Variants in SACS observed in about 807,000 individuals in gnomAD.
The protein encoded by SACS is sacsin.
Under a neutral mutation model 348.0 loss-of-function variants are expected in SACS, and 197 were observed. The observed-to-expected ratio is 0.57, with a 90% confidence interval of 0.50 to 0.64. The LOEUF is 0.64. SACS is among the 30% of genes least tolerant of loss of function. The pLI is 0.00. For synonymous variants in SACS, 1,985 were observed against 1,910.6 expected (o/e 1.04, Z -1.02); for missense variants, 4,999 against 5,360.8 (o/e 0.93, Z 2.11).
At position 23,332,598 on chromosome 13, in the gene SACS, T is replaced by C; in HGVS notation, c.11278A>G (p.Thr3760Ala). ...NNCRNICNIT[T>A]LDEEMVKTRA... Reference sequence around the variant, plus strand: ...GTTTTTACCATTTCTTCATCCAACGTCGTTATGTTGCATATGTTTCTGCAG... The same window carrying C: ...GTTTTTACCATTTCTTCATCCAACGCCGTTATGTTGCATATGTTTCTGCAG... The change falls in exon 10 of 10, where the codon ACG becomes GCG. Residue 3760 changes from threonine (T) to alanine (A), a missense_variant. By Grantham distance (58) the Thr-to-Ala change is moderately conservative. This residue lies in a region of SACS where 831 missense variants were observed against 941.8 expected (regional missense o/e 0.88). Coordinates refer to ENST00000382292, the MANE Select transcript of SACS (RefSeq NM_014363.6). 6.2e-7 allele frequency: 1 copy of C among 1,613,674 alleles called. No individual in the cohort carries two copies. Among genetic ancestry groups the C allele is most frequent in the South Asian group, 1.1e-5 (1 of 91,076 alleles).
chr13:23,377,341 T>C (rs1871856212), intron 2 of SACS, among the ~76,000 whole-genome samples: 1 of 152,170 alleles, frequency 6.6e-6, no homozygotes, highest in Non-Finnish European at 1.5e-5. Flanking sequence ...AGGCTTTTCC[T>C]GGACCACCTC....
chr13:23,332,581 C>A lies in SACS; in HGVS notation c.11295G>T (p.Met3765Ile), dbSNP rs1189205491. Residue 3765 changes from methionine to isoleucine, a missense_variant, in exon 10 of 10, where the codon ATG becomes ATT. By Grantham distance (10) the Met-to-Ile change is conservative. This residue lies in a region of SACS where 831 missense variants were observed against 941.8 expected (regional missense o/e 0.88). Coordinates refer to ENST00000382292, the MANE Select transcript of SACS (RefSeq NM_014363.6). The part of the protein sequence containing the change: ...ICNITTLDEE[M>I]VKTRAKVLRS... ...TTAAGACTTTTGCTCTAGTTTTTAC[C>A]ATTTCTTCATCCAACGTCGTTATGT... The A allele has an allele frequency of 6.2e-7, 1 of 1,613,700 alleles. No homozygotes were observed. Among genetic ancestry groups the A allele is most frequent in the Admixed American group, 1.7e-5 (1 of 59,998 alleles).
At chr13:23,348,322 G>A (rs370583305) in intron 9 of SACS, among the ~76,000 whole-genome samples, 11 of 152,254 alleles carry the variant, frequency 7.2e-5, no homozygotes, top group African/African-American at 2.6e-4. Flanking sequence ...GAATAAACAA[G>A]ATTACAGAAG....
chr13:23,351,454 T>C (rs1345164010), intron 9 of SACS, among the ~76,000 whole-genome samples: 1 of 152,118 alleles, frequency 6.6e-6, no homozygotes, highest in African/African-American at 2.4e-5. Flanking sequence ...ACTGTTCTCA[T>C]GGTACTGACT....
intron 2 of SACS, among the ~76,000 whole-genome samples, chr13:23,378,114 T>C (rs1456198941): frequency 6.6e-6 from 1 of 152,224 alleles, no homozygotes; most frequent in Non-Finnish European, 1.5e-5. Flanking sequence ...ACAAATTCCC[T>C]AGAGTGCTGT....
At chr13:23,420,917 G>A (rs1363208743) in intron 1 of SACS, among the ~76,000 whole-genome samples, 1 of 151,906 alleles carries the variant, frequency 6.6e-6, no homozygotes, top group East Asian at 1.9e-4. Context: ...ATTTACCTGG[G>A]GCCTCAGTGC....
rs1375925708 is a variant in SACS, at chr13:23,331,120, AGAG to A, written c.12753_12755del (p.Ser4252del). On this transcript the variant is annotated inframe_deletion, in exon 10 of 10. Transcript: ENST00000382292. ...TAGAAGGAGCACTGTCCCTGCTTTG[AGAG>A]CTTTCCTCAGGTCTTGAAAACTTAT... 3.7e-6 allele frequency: 6 copies of A among 1,614,018 alleles called. No homozygotes were observed. The African/African-American group carries it at 8.0e-5, about 22-fold the overall frequency.
At chr13:23,409,420 G>A (rs180886686) in intron 2 of SACS, among the ~76,000 whole-genome samples, 329 of 134,820 alleles carry the variant, frequency 2.4e-3, no homozygotes, top group African/African-American at 7.7e-3. Flanking sequence ...GCAATGGCAC[G>A]ATCTTGGCTC....
intron 2 of SACS, among the ~76,000 whole-genome samples, chr13:23,385,086 G>A (rs534763110): frequency 2.0e-5 from 3 of 151,120 alleles, no homozygotes; most frequent in Admixed American, 6.6e-5. Context: ...ACGGTGAAAC[G>A]CCATCTCTAC....
chr13:23,385,732 C>T (rs755401839), intron 2 of SACS, among the ~76,000 whole-genome samples: 3 of 152,176 alleles, frequency 2.0e-5, no homozygotes, highest in Non-Finnish European at 2.9e-5. Context: ...TTGCCCAGAT[C>T]CGTCAGAGGA....
chr13:23,394,453 C>T (rs1872637760), intron 2 of SACS, among the ~76,000 whole-genome samples: 1 of 152,224 alleles, frequency 6.6e-6, no homozygotes, highest in African/African-American at 2.4e-5. Flanking sequence ...CCCAATCTCA[C>T]CCCCATTGTG....
At chr13:23,369,040 G>T (rs988353568) in intron 4 of SACS, among the ~76,000 whole-genome samples, 5 of 152,278 alleles carry the variant, frequency 3.3e-5, no homozygotes, top group Non-Finnish European at 5.9e-5. Flanking sequence ...CTCAAAAAAT[G>T]TTCAAAAATA....
At position 23,356,569 on chromosome 13, in the gene SACS, T is replaced by C. The variant is rs995731816; in HGVS notation, c.605-562A>G. Reference sequence around the variant, plus strand: ...CACCACGTGGAGCCTAATTACAGTATTGAAAGATACCCATCTTTTGTATAA... The same window carrying C: ...CACCACGTGGAGCCTAATTACAGTACTGAAAGATACCCATCTTTTGTATAA... On this transcript the variant is annotated intron_variant, in intron 7 of 9. Transcript: ENST00000382292. Among the ~76,000 whole-genome samples the C allele has an allele frequency of 1.3e-5, 2 of 152,220 alleles. 1 individual carries two copies. The highest frequency in any genetic ancestry group is 4.1e-4 in the South Asian group (2 of 4,828).
At chr13:23,429,837 C>T (rs1191451553) in intron 1 of SACS, among the ~76,000 whole-genome samples, 1 of 152,126 alleles carries the variant, frequency 6.6e-6, no homozygotes, top group Non-Finnish European at 1.5e-5. Context: ...TTAGCAGGGA[C>T]TCTCAGGAAT....
chr13:23,399,579 C>A (rs544970885), intron 2 of SACS, among the ~76,000 whole-genome samples: 3 of 152,218 alleles, frequency 2.0e-5, no homozygotes, highest in Non-Finnish European at 4.4e-5. Flanking sequence ...TAGTACACTC[C>A]TACTCCAGCC....
At chr13:23,375,546 G>A (rs979754555) in intron 2 of SACS, 3 of 1,061,742 alleles carry the variant, frequency 2.8e-6, no homozygotes, top group South Asian at 4.5e-5. Flanking sequence ...AGGAGCAGGC[G>A]GGGGCGGGGA....
rs937583301 is a variant in SACS at position 23,383,557 on chromosome 13, CT to C, written c.21-8289del. ...CAGGCCTGTTCATGCCTTTGTACTG[CT>C]TTTTTTGCACCTTTCTCAGCCCATT... On this transcript the variant is annotated intron_variant, in intron 2 of 9. Coordinates refer to ENST00000382292, the MANE Select transcript of SACS (RefSeq NM_014363.6). Among the ~76,000 whole-genome samples, 36 of 152,046 alleles carry C rather than the reference CT, an allele frequency of 2.4e-4. 1 individual carries two copies. The highest frequency in any genetic ancestry group is 8.5e-4 in the African/African-American group (35 of 41,382).
At chr13:23,402,968 A>G (rs1331213892) in intron 2 of SACS, among the ~76,000 whole-genome samples, 1 of 152,042 alleles carries the variant, frequency 6.6e-6, no homozygotes, top group Non-Finnish European at 1.5e-5. Context: ...ACTAGGCAGG[A>G]GTTCGAGACC....
chr13:23,329,498 A>T lies in SACS; in HGVS notation c.*638T>A, dbSNP rs970395656. 4.0e-6 allele frequency: 3 copies of T among 743,662 alleles called. No homozygotes were observed. Among genetic ancestry groups the T allele is most frequent in the Non-Finnish European group, 7.4e-6 (3 of 405,344 alleles). 46.1% of individuals were successfully genotyped at this position (743,662 alleles called of 1,614,324 possible). A position where few individuals can be genotyped will look rare whatever the true frequency, so the allele number is the denominator to read the frequency against. ...CAAACAGGAAGCCTGTAAACATAAG[A>T]TGTTAAAAAAAAATTTAAATAAAGA... On this transcript the variant is annotated 3_prime_UTR_variant, in exon 10 of 10. Coordinates refer to ENST00000382292, the MANE Select transcript of SACS (RefSeq NM_014363.6).
Sources: allele counts gnomAD v4.1 joint callset (sites outside exome capture counted in the v4.1 genomes callset), GRCh38; gene constraint gnomAD v4.1.1; regional missense constraint gnomAD v4.1.1; transcripts MANE v1.5; gene names NCBI Gene and HGNC (gene_info 2026-07-23, HGNC 2026-07-21).